DLGAP1: variants seen among roughly 807,000 people sequenced by gnomAD.
DLGAP1 encodes the protein DLG associated protein 1.
Under a neutral mutation model 90.8 loss-of-function variants are expected in DLGAP1, and 11 were observed. That is an observed-to-expected ratio of 0.12 (90% CI 0.08 to 0.20). The LOEUF (loss-of-function observed/expected upper bound fraction) is 0.20. Ranked by LOEUF, DLGAP1 falls within the 10% of genes least tolerant of loss-of-function variation. The probability of loss-of-function intolerance (pLI) is 1.00; values close to 1 mark genes in which losing one functional copy is unlikely to be tolerated. For missense variants in DLGAP1, 1,050 were observed against 1,333.8 expected (o/e 0.79, Z 3.31); for synonymous variants, 558 against 540.7 (o/e 1.03, Z -0.44).
At chr18:4,434,988 T>C (rs1203528250) in intron 1 of DLGAP1, among the ~76,000 whole-genome samples, 3 of 152,210 alleles carry the variant, frequency 2.0e-5, no homozygotes, top group Admixed American at 1.3e-4. Flanking sequence ...CATGAGAGAC[T>C]TTAAATGGCA....
At chr18:3,973,893 T>C (rs1181886554) in intron 3 of DLGAP1, among the ~76,000 whole-genome samples, 1 of 152,130 alleles carries the variant, frequency 6.6e-6, no homozygotes, top group Admixed American at 6.5e-5. Context: ...CAGAGTGGAC[T>C]TAGATGGACC....
chr18:4,395,988 T>A (rs766026710), intron 1 of DLGAP1, among the ~76,000 whole-genome samples: 35 of 152,070 alleles, frequency 2.3e-4, no homozygotes, highest in Non-Finnish European at 3.5e-4. Flanking sequence ...CCAAGAAATA[T>A]GCACCCTGTA....
chr18:4,191,414 A>T (rs1386735838), intron 1 of DLGAP1, among the ~76,000 whole-genome samples: 1 of 152,206 alleles, frequency 6.6e-6, no homozygotes, highest in Admixed American at 6.5e-5. Context: ...AGTCCTCTAT[A>T]GTACTTCCAT....
intron 1 of DLGAP1, among the ~76,000 whole-genome samples, chr18:4,166,408 C>T (rs2076934153): frequency 6.6e-6 from 1 of 152,146 alleles, no homozygotes; most frequent in African/African-American, 2.4e-5. Flanking sequence ...GAAATTGGAA[C>T]CTTTGTGCAT....
intron 1 of DLGAP1, among the ~76,000 whole-genome samples, chr18:4,385,008 T>G (rs1490566390): frequency 6.6e-6 from 1 of 152,142 alleles, no homozygotes; most frequent in Non-Finnish European, 1.5e-5. Context: ...GCCTCCCTAA[T>G]GCCTGCAACA....
chr18:3,523,680 T>C (rs1009581180), intron 10 of DLGAP1, among the ~76,000 whole-genome samples: 2 of 152,014 alleles, frequency 1.3e-5, no homozygotes, highest in Non-Finnish European at 2.9e-5. Context: ...ACCCCGTCTC[T>C]ACTAAAAATA....
At chr18:4,364,015 A>G (rs2081695264) in intron 1 of DLGAP1, among the ~76,000 whole-genome samples, 2 of 151,944 alleles carry the variant, frequency 1.3e-5, no homozygotes, top group Non-Finnish European at 2.9e-5. Flanking sequence ...CCAAATGTCC[A>G]ACAATGATAG....
At chr18:3,521,902 T>G (rs1449187190) in intron 10 of DLGAP1, among the ~76,000 whole-genome samples, 1 of 152,240 alleles carries the variant, frequency 6.6e-6, no homozygotes, top group Non-Finnish European at 1.5e-5. Flanking sequence ...TTTAGGGTTT[T>G]ATCATGTCTA....
At chr18:3,953,977 C>T (rs995890626) in intron 3 of DLGAP1, among the ~76,000 whole-genome samples, 2 of 152,166 alleles carry the variant, frequency 1.3e-5, no homozygotes, top group African/African-American at 4.8e-5. Flanking sequence ...TTATCATCAT[C>T]ACCATCGGAT....
intron 1 of DLGAP1, among the ~76,000 whole-genome samples, chr18:4,427,396 T>C (rs1372260309): frequency 6.6e-6 from 1 of 152,182 alleles, no homozygotes; most frequent in African/African-American, 2.4e-5. Flanking sequence ...TCTTGAATTA[T>C]GCAAATTCAC....
chr18:4,211,421 A>G (rs1487520703), intron 1 of DLGAP1, among the ~76,000 whole-genome samples: 1 of 152,210 alleles, frequency 6.6e-6, no homozygotes, highest in Non-Finnish European at 1.5e-5. Context: ...AGGGTTATCA[A>G]GGGAGATTGT....
intron 10 of DLGAP1, among the ~76,000 whole-genome samples, chr18:3,525,114 TA>T (rs1568130654): frequency 6.6e-6 from 1 of 152,000 alleles, no homozygotes; most frequent in Non-Finnish European, 1.5e-5. Flanking sequence ...TCAACAACAT[TA>T]TTTTGTTTTT....
intron 2 of DLGAP1, among the ~76,000 whole-genome samples, chr18:4,101,923 T>G (rs564038439): frequency 9.6e-4 from 146 of 152,144 alleles, no homozygotes; most frequent in Middle Eastern, 3.4e-3. Context: ...TGCATATATG[T>G]ATGCATTTAT....
chr18:3,871,991 A>G (rs2148801279), intron 4 of DLGAP1, among the ~76,000 whole-genome samples: 2 of 152,304 alleles, frequency 1.3e-5, no homozygotes, highest in South Asian at 4.1e-4. Context: ...CTGTGAAACA[A>G]TTAGTAGAAA....
intron 5 of DLGAP1, among the ~76,000 whole-genome samples, chr18:3,813,744 T>C (rs868448892): frequency 1.3e-5 from 2 of 152,058 alleles, no homozygotes; most frequent in Admixed American, 6.6e-5. Context: ...TATATTCTCA[T>C]TGACCAGAAA....
chr18:3,951,772 C>G (rs965071470), intron 3 of DLGAP1, among the ~76,000 whole-genome samples: 13 of 152,120 alleles, frequency 8.5e-5, no homozygotes, highest in African/African-American at 2.7e-4. Flanking sequence ...TTATAAGGAG[C>G]TCTTCCCCCT....
chr18:3,874,771 C>A, intron 4 of DLGAP1: 1 of 1,414,694 alleles, frequency 7.1e-7, no homozygotes, highest in East Asian at 2.5e-5. Context: ...AAACAGCAGA[C>A]ATCTGATTCT....
chr18:3,808,688 C>A (rs896598836), intron 5 of DLGAP1, among the ~76,000 whole-genome samples: 1 of 152,052 alleles, frequency 6.6e-6, no homozygotes, highest in South Asian at 2.1e-4. Context: ...TTCATCCCAT[C>A]CCCCTCTTTC....
At chr18:3,867,094 C>T (rs1016142950) in intron 4 of DLGAP1, among the ~76,000 whole-genome samples, 2 of 152,142 alleles carry the variant, frequency 1.3e-5, no homozygotes, top group Non-Finnish European at 2.9e-5. Context: ...CCTCGTGATC[C>T]GCCCGCCTTG....
Sources: allele counts gnomAD v4.1 joint callset (sites outside exome capture counted in the v4.1 genomes callset), GRCh38; gene constraint gnomAD v4.1.1; transcripts MANE v1.5; gene names NCBI Gene and HGNC (gene_info 2026-07-23, HGNC 2026-07-21).